The following SPATA9 variants were observed in gnomAD, a reference collection of about 807,000 sequenced individuals.
SPATA9 encodes spermatogenesis-associated protein 9.
A neutral mutation model predicts 25.5 loss-of-function variants in SPATA9; 27 were observed. That is an observed-to-expected ratio of 1.06 (90% CI 0.78 to 1.46). The LOEUF is 1.46. SPATA9 is among the 40% of genes most tolerant of loss of function. SPATA9 has a pLI of 0.00. For missense variants in SPATA9, 282 were observed against 297.5 expected, an observed-to-expected ratio of 0.95 and a Z score of 0.38; for synonymous variants, 102 against 105.7, an observed-to-expected ratio of 0.97 and a Z score of 0.21.
At chr5:95,726,296 T>C in the SPATA9 span, among the ~76,000 whole-genome samples, 2 of 152,234 alleles carry the variant, frequency 1.3e-5, no homozygotes, top group Non-Finnish European at 1.5e-5. Context: ...TAAGAGTGTG[T>C]TGCTTTTTGA....
the SPATA9 span, among the ~76,000 whole-genome samples, chr5:95,707,287 T>C: frequency 6.6e-6 from 1 of 152,076 alleles, no homozygotes; most frequent in East Asian, 1.9e-4. Flanking sequence ...AGAGAGTGAT[T>C]AACACATGGA....
intron 1 of SPATA9, among the ~76,000 whole-genome samples, chr5:95,696,874 AC>A (rs1754036669): frequency 6.6e-6 from 1 of 152,218 alleles, no homozygotes; most frequent in African/African-American, 2.4e-5. Flanking sequence ...ACAAAACAAA[AC>A]AAAACGGTAA....
chr5:95,657,140 G>A (rs542606475), downstream of SPATA9: 3 of 152,134 alleles, frequency 2.0e-5, no homozygotes, highest in East Asian at 1.9e-4. Flanking sequence ...TTTTAAAAAC[G>A]TTTTAGAACT....
the SPATA9 span, among the ~76,000 whole-genome samples, chr5:95,723,931 A>G: frequency 6.6e-6 from 1 of 152,216 alleles, no homozygotes; most frequent in African/African-American, 2.4e-5. Flanking sequence ...AATTACATGC[A>G]TATGTTACTA....
chr5:95,690,046 T>C (rs1437643305), intron 1 of SPATA9, among the ~76,000 whole-genome samples: 1 of 151,948 alleles, frequency 6.6e-6, no homozygotes, highest in Non-Finnish European at 1.5e-5. Context: ...GGGTGAAAGT[T>C]GGAAGGAGGG....
the SPATA9 span, among the ~76,000 whole-genome samples, chr5:95,712,854 T>C: frequency 6.6e-6 from 1 of 152,208 alleles, no homozygotes; most frequent in African/African-American, 2.4e-5. Context: ...TAATAGTAAC[T>C]AGAACAAACA....
chr5:95,675,862 C>T (rs1752894181), intron 2 of SPATA9, among the ~76,000 whole-genome samples: 1 of 144,264 alleles, frequency 6.9e-6, no homozygotes, highest in Non-Finnish European at 1.5e-5. Context: ...ATTCTTGTGG[C>T]CCAGGCTGGA....
the SPATA9 span, chr5:95,732,099 CTGCTCCGCGCTG>C: frequency 6.2e-7 from 1 of 1,608,064 alleles, no homozygotes; most frequent in Non-Finnish European, 8.5e-7. Flanking sequence ...GGAAGAGCAG[CTGCTCCGCGCTG>C]AGGCTGAAGA....
chr5:95,719,730 G>A, the SPATA9 span: 3 of 152,174 alleles, frequency 2.0e-5, no homozygotes, highest in East Asian at 3.8e-4. Context: ...TGTAGTTAAT[G>A]CCATCATGCA....
intron 1 of SPATA9, among the ~76,000 whole-genome samples, chr5:95,690,983 G>A (rs190427604): frequency 5.2e-4 from 79 of 151,904 alleles, no homozygotes; most frequent in Middle Eastern, 6.8e-3. Context: ...AGTTATACAT[G>A]TAGTCTCTCT....
the SPATA9 span, among the ~76,000 whole-genome samples, chr5:95,718,159 CT>C: frequency 5.9e-5 from 9 of 151,420 alleles, no homozygotes; most frequent in African/African-American, 2.4e-5. Flanking sequence ...TACTTTCCCT[CT>C]TTTTTTTTCT....
At chr5:95,680,547 G>C (rs1442152781) in intron 2 of SPATA9, among the ~76,000 whole-genome samples, 2 of 151,882 alleles carry the variant, frequency 1.3e-5, no homozygotes, top group Non-Finnish European at 2.9e-5. Context: ...TCTTTTCTCT[G>C]ATGCCCTGCT....
intron 3 of SPATA9, among the ~76,000 whole-genome samples, chr5:95,674,249 G>C (rs1752698759): frequency 6.6e-6 from 1 of 152,150 alleles, no homozygotes; most frequent in African/African-American, 2.4e-5. Flanking sequence ...CCAACATAAA[G>C]GGTATTTGTT....
chr5:95,699,856 G>A (rs1026743891), upstream of SPATA9, among the ~76,000 whole-genome samples: 2 of 152,176 alleles, frequency 1.3e-5, no homozygotes, highest in African/African-American at 4.8e-5. Flanking sequence ...TATTTGAAAA[G>A]TTATTCATTC....
At chr5:95,702,329 C>G (rs1378392197), upstream of SPATA9, among the ~76,000 whole-genome samples, 1 of 152,128 alleles carries the variant, frequency 6.6e-6, no homozygotes, top group Admixed American at 6.5e-5. Context: ...AAATACGTAT[C>G]TGATTTGGAA....
the SPATA9 span, among the ~76,000 whole-genome samples, chr5:95,723,161 C>T: frequency 4.0e-5 from 6 of 151,840 alleles, no homozygotes; most frequent in South Asian, 1.0e-3. Context: ...ACTACACTAA[C>T]ACCAACGATA....
At chr5:95,665,957 A>G (rs964566041) in intron 3 of SPATA9, among the ~76,000 whole-genome samples, 5 of 152,220 alleles carry the variant, frequency 3.3e-5, no homozygotes, top group Non-Finnish European at 5.9e-5. Flanking sequence ...CAACAAGAGC[A>G]AAACTCCATC....
the SPATA9 span, chr5:95,730,930 G>T: frequency 8.7e-6 from 4 of 461,218 alleles, no homozygotes; most frequent in African/African-American, 6.0e-5. Context: ...AAGAGGGGGG[G>T]AAATCGGGTT....
chr5:95,686,705 G>C (rs1011924387), upstream of SPATA9, among the ~76,000 whole-genome samples: 4 of 152,234 alleles, frequency 2.6e-5, no homozygotes, highest in African/African-American at 9.6e-5. Context: ...CCCTCCTGGG[G>C]GGGTAACTCA....
Sources: allele counts gnomAD v4.1 joint callset (sites outside exome capture counted in the v4.1 genomes callset), GRCh38; gene constraint gnomAD v4.1.1; transcripts MANE v1.5; gene names NCBI Gene and HGNC (gene_info 2026-07-23, HGNC 2026-07-21).